Variants in SEMA3D observed in about 807,000 individuals in gnomAD.
SEMA3D encodes the protein semaphorin 3D, also known as semaphorin-3D.
SEMA3D carries 84 observed loss-of-function variants against 100.1 expected under a neutral mutation model. The ratio of observed to expected loss-of-function variants is 0.84; its 90% CI spans 0.70 to 1.01. The LOEUF is 1.01. Among genes scored for constraint, SEMA3D ranks in the 50% least tolerant of loss-of-function variants. The pLI, the probability that SEMA3D is intolerant of heterozygous loss-of-function variation, is 0.00. For missense variants in SEMA3D, 875 were observed against 934.1 expected, an observed-to-expected ratio of 0.94 and a Z score of 0.82; for synonymous variants, 312 against 320.7, an observed-to-expected ratio of 0.97 and a Z score of 0.29.
At chr7:85,248,658 C>G in the SEMA3D span, among the ~76,000 whole-genome samples, 1 of 152,102 alleles carries the variant, frequency 6.6e-6, no homozygotes, top group African/African-American at 2.4e-5. Context: ...AAGCCATGAG[C>G]TATCCAGTCA....
chr7:85,078,611 A>G (rs957884781), intron 5 of SEMA3D, among the ~76,000 whole-genome samples: 1 of 152,224 alleles, frequency 6.6e-6, no homozygotes, highest in Admixed American at 6.5e-5. Flanking sequence ...AAATACTACC[A>G]AATATCTTTC....
chr7:85,179,938 G>A (rs971502999), intron 1 of SEMA3D, among the ~76,000 whole-genome samples: 1 of 152,214 alleles, frequency 6.6e-6, no homozygotes, highest in African/African-American at 2.4e-5. Context: ...TGGGATTACA[G>A]GCATGAGCCA....
intron 4 of SEMA3D, among the ~76,000 whole-genome samples, chr7:85,091,160 A>T (rs1788381593): frequency 1.6e-5 from 2 of 121,966 alleles, no homozygotes; most frequent in Admixed American, 1.6e-4. Flanking sequence ...GAGGGAAGGA[A>T]GGAAGGAAGG....
intron 12 of SEMA3D, chr7:85,028,286 A>C (rs1790447011): frequency 1.4e-6 from 1 of 708,458 alleles, no homozygotes; most frequent in Admixed American, 1.9e-5. Flanking sequence ...AATGACTCTC[A>C]GCATCAGGGC....
intron 2 of SEMA3D, among the ~76,000 whole-genome samples, chr7:85,149,702 C>T (rs1361154671): frequency 1.3e-5 from 2 of 152,070 alleles, no homozygotes; most frequent in African/African-American, 4.8e-5. Context: ...CATTCACTTC[C>T]ACCATGTCAG....
chr7:85,208,279 C>A, the SEMA3D span, among the ~76,000 whole-genome samples: 2 of 151,808 alleles, frequency 1.3e-5, no homozygotes, highest in Non-Finnish European at 2.9e-5. Flanking sequence ...AAAATTTAAA[C>A]GTCTCTGAAT....
At chr7:85,001,625 TCTCTA>T (rs1584515564) in intron 18 of SEMA3D, among the ~76,000 whole-genome samples, 1 of 152,146 alleles carries the variant, frequency 6.6e-6, no homozygotes, top group African/African-American at 2.4e-5. Flanking sequence ...AACCTTCTGG[TCTCTA>T]CTCTGTTTCC....
chr7:85,197,929 T>C, the SEMA3D span, among the ~76,000 whole-genome samples: 2 of 152,156 alleles, frequency 1.3e-5, no homozygotes, highest in Non-Finnish European at 2.9e-5. Flanking sequence ...AAGAAGGTTA[T>C]ACAGCAACAA....
rs148644955 is a variant in SEMA3D at position 85,065,478 on chromosome 7, T to C, written c.664A>G (p.Thr222Ala). 1.1e-3 allele frequency: 1,851 copies of C among 1,612,944 alleles called. 4 individuals are homozygous for C. The highest frequency in any genetic ancestry group is 1.5e-3 in the Non-Finnish European group (1,746 of 1,179,192). ...GTTCTGATGTAGTGGTGGTCATGAGTAGGCCCAAGGGATCGAGTGAATGCA... is the reference window on the plus strand; with the variant it reads ...GTTCTGATGTAGTGGTGGTCATGAGCAGGCCCAAGGGATCGAGTGAATGCA... ...DTAFTRSLGP[T>A]HDHHYIRTDI... Residue 222 changes from threonine to alanine, a missense_variant, in exon 8 of 19, where the codon ACT (threonine) becomes GCT (alanine). By Grantham distance (58) the Thr-to-Ala change is moderately conservative. Transcript: ENST00000284136.
rs564370202 is a variant in SEMA3D, at chr7:85,061,739, C to T, written c.718+3685G>A. On this transcript the variant is annotated intron_variant, in intron 8 of 18. Coordinates refer to ENST00000284136, the MANE Select transcript of SEMA3D (RefSeq NM_001384900.1). Reference sequence around the variant, plus strand: ...AATATCATCATTTCTACAATTTCTCCCCTTACTCTGCCCTAGTTTCTGTGG... The same window carrying T: ...AATATCATCATTTCTACAATTTCTCTCCTTACTCTGCCCTAGTTTCTGTGG... Among the ~76,000 whole-genome samples the T allele has an allele frequency of 3.3e-5, 5 of 152,254 alleles. No individual in the cohort carries two copies. In the South Asian group the frequency reaches 1.0e-3, roughly 32 times the overall value.
rs1789540705 is a variant in SEMA3D, at chr7:84,997,694, CA to C, written c.*1745del. On this transcript the variant is annotated 3_prime_UTR_variant, in exon 19 of 19. Transcript: ENST00000284136. ...ATCTTGCATTAAGTTGCCCTCTAATCACAGGGTTTTCTCACAGACTTTTCTT... is the reference window on the plus strand; with the variant it reads ...ATCTTGCATTAAGTTGCCCTCTAATCCAGGGTTTTCTCACAGACTTTTCTT... 1 of 152,518 alleles carries C rather than the reference CA, an allele frequency of 6.6e-6. No homozygotes were observed. The highest frequency in any genetic ancestry group is 2.4e-5 in the African/African-American group (1 of 41,436). The allele number at this position is 152,518 out of a possible 1,614,324, so 9.4% of individuals were successfully genotyped here.
intron 3 of SEMA3D, among the ~76,000 whole-genome samples, chr7:85,108,011 A>G (rs1019466345): frequency 2.0e-5 from 3 of 152,026 alleles, no homozygotes; most frequent in African/African-American, 7.2e-5. Context: ...AAATACTCCA[A>G]TACCAACATA....
intron 8 of SEMA3D, among the ~76,000 whole-genome samples, chr7:85,056,613 T>A (rs1459221017): frequency 1.3e-5 from 2 of 149,750 alleles, no homozygotes; most frequent in African/African-American, 2.4e-5. Context: ...ATATAACATT[T>A]TATATATATA....
intron 3 of SEMA3D, among the ~76,000 whole-genome samples, chr7:85,121,398 A>G (rs1266989464): frequency 6.6e-6 from 1 of 152,168 alleles, no homozygotes; most frequent in Non-Finnish European, 1.5e-5. Flanking sequence ...GTTTTAAAAA[A>G]AATCCCCTCT....
intron 3 of SEMA3D, among the ~76,000 whole-genome samples, chr7:85,100,779 G>GT (rs1425190263): frequency 6.6e-6 from 1 of 151,570 alleles, no homozygotes; most frequent in African/African-American, 2.4e-5. Flanking sequence ...ACGGTTAAAT[G>GT]TTATTTCTCT....
intron 12 of SEMA3D, among the ~76,000 whole-genome samples, chr7:85,033,241 A>T (rs554478898): frequency 1.3e-5 from 2 of 152,294 alleles, no homozygotes; most frequent in Non-Finnish European, 2.9e-5. Context: ...AGAAGAGACC[A>T]GTATGTTGAA....
At chr7:85,211,486 T>C in the SEMA3D span, among the ~76,000 whole-genome samples, 26 of 152,150 alleles carry the variant, frequency 1.7e-4, no homozygotes, top group African/African-American at 6.0e-4. Context: ...AACAGAATTA[T>C]GTTTGCTGTT....
rs1270757616 is a variant in SEMA3D at position 85,122,097 on chromosome 7, G to GAA, written c.-40-167_-40-166insTT. Among the ~76,000 whole-genome samples, 11 of 152,104 alleles carry GAA rather than the reference G, an allele frequency of 7.2e-5. No individual in the cohort carries two copies. In the East Asian group the frequency reaches 1.6e-3, roughly 21 times the overall value. ...TACCAGGGCCTGTTGGGGGCTGGGG[G>GAA]CTGGGGGAGGGAGAGCATTAGGAGA... On this transcript the variant is annotated intron_variant, in intron 2 of 18. Coordinates refer to ENST00000284136, the MANE Select transcript of SEMA3D (RefSeq NM_001384900.1).
chr7:85,123,109 C>T (rs11762367), intron 2 of SEMA3D, among the ~76,000 whole-genome samples: 77,433 of 151,864 alleles, frequency 0.51, 20,139 homozygotes, highest in East Asian at 0.61. Flanking sequence ...ATAGTTCTTC[C>T]AGGGGTACAC....
Sources: allele counts gnomAD v4.1 joint callset (sites outside exome capture counted in the v4.1 genomes callset), GRCh38; gene constraint gnomAD v4.1.1; transcripts MANE v1.5; gene names NCBI Gene and HGNC (gene_info 2026-07-23, HGNC 2026-07-21).